The following GALNT17 variants were observed in gnomAD, a reference collection of about 807,000 sequenced individuals.
The protein encoded by GALNT17 is UDP-GalNAc:polypeptide N-acetylgalactosaminyltransferase-like 3.
GALNT17 carries 29 observed loss-of-function variants against 63.7 expected under a neutral mutation model. That is an observed-to-expected ratio of 0.46 (90% confidence interval 0.34 to 0.62). GALNT17 has a LOEUF of 0.62. Ranked by LOEUF, GALNT17 falls within the 20% of genes least tolerant of loss-of-function variation. GALNT17 has a pLI of 0.01. For missense variants in GALNT17, 603 were observed against 799.6 expected, an observed-to-expected ratio of 0.75 and a Z score of 2.97; for synonymous variants, 305 against 318.3, an observed-to-expected ratio of 0.96 and a Z score of 0.45.
At chr7:71,245,919 A>G (rs554438448) in intron 1 of GALNT17, among the ~76,000 whole-genome samples, 1 of 146,364 alleles carries the variant, frequency 6.8e-6, no homozygotes, top group Non-Finnish European at 1.5e-5. Flanking sequence ...CCTGGACCCC[A>G]TAGCTGGTGG....
At chr7:71,440,129 C>A in intron 5 of GALNT17, among the ~76,000 whole-genome samples, 1 of 151,646 alleles carries the variant, frequency 6.6e-6, no homozygotes, top group South Asian at 2.1e-4. Context: ...AGGATTTCAC[C>A]ATGTTGGCCA....
intron 6 of GALNT17, among the ~76,000 whole-genome samples, chr7:71,662,352 GTCTA>G (rs1028240361): frequency 1.4e-4 from 21 of 150,340 alleles, no homozygotes; most frequent in African/African-American, 4.8e-4. Context: ...CTGTCTGTCT[GTCTA>G]TCTATCATCT....
At chr7:71,137,286 T>C (rs938841321) in intron 1 of GALNT17, among the ~76,000 whole-genome samples, 4 of 151,710 alleles carry the variant, frequency 2.6e-5, no homozygotes, top group South Asian at 2.1e-4. Flanking sequence ...ACTACAGGCG[T>C]CCGCCACCAC....
intron 5 of GALNT17, among the ~76,000 whole-genome samples, chr7:71,433,344 T>C (rs1786902614): frequency 6.6e-6 from 1 of 152,098 alleles, no homozygotes; most frequent in Admixed American, 6.6e-5. Context: ...CTACTAGGGG[T>C]CACCCCCATC....
intron 1 of GALNT17, among the ~76,000 whole-genome samples, chr7:71,294,977 G>A (rs1791051899): frequency 6.6e-6 from 1 of 152,098 alleles, no homozygotes; most frequent in African/African-American, 2.4e-5. Flanking sequence ...AATATATAAT[G>A]TCTCTGTTTT....
At chr7:71,563,672 A>G (rs1170828710) in intron 5 of GALNT17, among the ~76,000 whole-genome samples, 1 of 151,814 alleles carries the variant, frequency 6.6e-6, no homozygotes, top group East Asian at 1.9e-4. Context: ...TCAACCTCCC[A>G]GGTTCAAATG....
chr7:71,306,818 CTGTTT>C lies in GALNT17; in HGVS notation c.239-28715_239-28711del, dbSNP rs61408096. Among the ~76,000 whole-genome samples, 370 of 151,014 alleles carry C rather than the reference CTGTTT, an allele frequency of 2.5e-3. 2 individuals are homozygous for C. The highest frequency in any genetic ancestry group is 8.6e-3 in the African/African-American group (355 of 41,072). On this transcript the variant is annotated intron_variant, in intron 1 of 10. Transcript: ENST00000333538. ...TCTGTTCAAGTCCCTGTTTTCATTT[CTGTTT>C]TGTTTTGTTTTGTTTTTTGAGACAG...
chr7:71,154,766 T>C (rs1452183332), intron 1 of GALNT17, among the ~76,000 whole-genome samples: 1 of 149,500 alleles, frequency 6.7e-6, no homozygotes, highest in Non-Finnish European at 1.5e-5. Flanking sequence ...TTAGTAGAGA[T>C]GGGGTTTCAC....
At position 71,592,544 on chromosome 7, in the gene GALNT17, A is replaced by AATAGCATAGCATAGC. The variant is rs60698680; in HGVS notation, c.1080+21146_1080+21160dup. Among the ~76,000 whole-genome samples, 32 of 115,358 alleles carry AATAGCATAGCATAGC rather than the reference A, an allele frequency of 2.8e-4. No homozygotes were observed. The South Asian group carries it at 9.7e-3, about 35-fold the overall frequency. 75.7% of individuals were successfully genotyped at this position (115,358 alleles called of 152,430 possible). On this transcript the variant is annotated intron_variant, in intron 6 of 10. Transcript: ENST00000333538. ...AATAAAATAAAATAAAATAAAATAA[A>AATAGCATAGCATAGC]ATAGCATAGCATAGCATACTAAAAT...
At chr7:71,587,484 A>G (rs1317499286) in intron 6 of GALNT17, among the ~76,000 whole-genome samples, 2 of 152,000 alleles carry the variant, frequency 1.3e-5, no homozygotes, top group East Asian at 3.9e-4. Flanking sequence ...GTTGATTTCC[A>G]GGGGTCTGTG....
At chr7:71,364,999 T>G (rs1302059118) in intron 2 of GALNT17, among the ~76,000 whole-genome samples, 1 of 152,012 alleles carries the variant, frequency 6.6e-6, no homozygotes, top group Admixed American at 6.6e-5. Context: ...GGCATGGTCT[T>G]GGCTCACTGC....
intron 6 of GALNT17, among the ~76,000 whole-genome samples, chr7:71,658,660 G>A (rs1311022157): frequency 6.6e-6 from 1 of 152,152 alleles, no homozygotes; most frequent in Non-Finnish European, 1.5e-5. Flanking sequence ...GGCTGAGGCA[G>A]GTGGATCACT....
rs139650339 is a variant in GALNT17 at position 71,471,903 on chromosome 7, C to T, written c.962+50798C>T. ...CTAAGCAGGTACATTATCCTGTCTG[C>T]CCTCAGAAAGCCTAATCTGTGTCTC... is the stretch of plus-strand genomic sequence containing the variant. On this transcript the variant is annotated intron_variant, in intron 5 of 10. Coordinates refer to ENST00000333538, the MANE Select transcript of GALNT17 (RefSeq NM_022479.3). Among the ~76,000 whole-genome samples the T allele has an allele frequency of 5.3e-4, 80 of 151,860 alleles. 1 individual carries two copies. The East Asian group carries it at 0.014, about 26-fold the overall frequency.
chr7:71,179,579 C>T (rs1018266925), intron 1 of GALNT17, among the ~76,000 whole-genome samples: 1 of 152,234 alleles, frequency 6.6e-6, no homozygotes, highest in Non-Finnish European at 1.5e-5. Flanking sequence ...TGCTTTTTCA[C>T]CATACTCCTG....
intron 6 of GALNT17, among the ~76,000 whole-genome samples, chr7:71,648,528 C>T (rs770575792): frequency 6.6e-6 from 1 of 152,114 alleles, no homozygotes; most frequent in Non-Finnish European, 1.5e-5. Context: ...CTCCCTTGGC[C>T]TCCCAAAGTA....
chr7:71,696,194 C>A (rs2117103912), intron 9 of GALNT17, among the ~76,000 whole-genome samples: 1 of 152,220 alleles, frequency 6.6e-6, no homozygotes, highest in Middle Eastern at 3.4e-3. Flanking sequence ...TTCACTGCAG[C>A]CTTAAGTTCC....
chr7:71,314,511 A>G (rs558346410), intron 1 of GALNT17, among the ~76,000 whole-genome samples: 37 of 152,354 alleles, frequency 2.4e-4, no homozygotes, highest in African/African-American at 8.9e-4. Flanking sequence ...TGATGGTCAT[A>G]TAACTTGAAG....
At chr7:71,473,164 G>A (rs1787663253) in intron 5 of GALNT17, among the ~76,000 whole-genome samples, 2 of 152,190 alleles carry the variant, frequency 1.3e-5, no homozygotes, top group Admixed American at 6.5e-5. Context: ...TTTGTCTAAA[G>A]ACTTGAAGTC....
chr7:71,592,270 T>C (rs1401915848), intron 6 of GALNT17, among the ~76,000 whole-genome samples: 1 of 152,146 alleles, frequency 6.6e-6, no homozygotes. Context: ...GAGGAGCCAC[T>C]TGAGACAGGT....
Sources: allele counts gnomAD v4.1 joint callset (sites outside exome capture counted in the v4.1 genomes callset), GRCh38; gene constraint gnomAD v4.1.1; transcripts MANE v1.5; gene names NCBI Gene and HGNC (gene_info 2026-07-23, HGNC 2026-07-21).